The following LINGO2 variants were observed in gnomAD, a reference collection of about 807,000 sequenced individuals.
LINGO2 encodes leucine rich repeat and Ig domain containing 2.
A neutral mutation model predicts 30.6 loss-of-function variants in LINGO2; 14 were observed. The ratio of observed to expected loss-of-function variants is 0.46; its 90% CI spans 0.30 to 0.72. The LOEUF is 0.72. Ranked by LOEUF, LINGO2 falls within the 30% of genes least tolerant of loss-of-function variation. The pLI is 0.07. For missense variants in LINGO2, 729 were observed against 751.7 expected (o/e 0.97, Z 0.35); for synonymous variants, 317 against 288.5 (o/e 1.10, Z -1.00).
intron 2 of LINGO2, among the ~76,000 whole-genome samples, chr9:28,417,851 T>A (rs1324396355): frequency 6.6e-6 from 1 of 152,194 alleles, no homozygotes; most frequent in Non-Finnish European, 1.5e-5. Flanking sequence ...TCCATATCCC[T>A]CATCCTGCAG....
At chr9:29,123,685 T>C in the LINGO2 span, among the ~76,000 whole-genome samples, 1 of 152,098 alleles carries the variant, frequency 6.6e-6, no homozygotes, top group Non-Finnish European at 1.5e-5. Flanking sequence ...TTTAATATCT[T>C]ATTATTTCAT....
At chr9:29,006,133 T>C in the LINGO2 span, among the ~76,000 whole-genome samples, 2 of 151,452 alleles carry the variant, frequency 1.3e-5, no homozygotes, top group Non-Finnish European at 2.9e-5. Context: ...GCCTAGCAAA[T>C]ACTCAATATT....
chr9:28,917,547 G>T, the LINGO2 span, among the ~76,000 whole-genome samples: 1 of 151,918 alleles, frequency 6.6e-6, no homozygotes, highest in Admixed American at 6.6e-5. Context: ...CCACCTCCTG[G>T]ATTCAAGCAA....
chr9:28,508,702 GA>G (rs550964714), intron 1 of LINGO2, among the ~76,000 whole-genome samples: 3 of 151,710 alleles, frequency 2.0e-5, no homozygotes, highest in African/African-American at 4.8e-5. Flanking sequence ...CTTGGAGGGA[GA>G]AAAAAAATTA....
chr9:28,470,343 A>G (rs1469227499), intron 2 of LINGO2, among the ~76,000 whole-genome samples: 1 of 152,262 alleles, frequency 6.6e-6, no homozygotes, highest in Admixed American at 6.5e-5. Flanking sequence ...ACCATAAGAC[A>G]ACATAGTATT....
the LINGO2 span, among the ~76,000 whole-genome samples, chr9:29,154,374 C>T: frequency 6.8e-6 from 1 of 147,052 alleles, no homozygotes; most frequent in South Asian, 2.1e-4. Context: ...GGCGTGAACC[C>T]GGGAGGCGGA....
At chr9:28,021,850 C>T (rs2119372825) in intron 4 of LINGO2, among the ~76,000 whole-genome samples, 1 of 138,856 alleles carries the variant, frequency 7.2e-6, no homozygotes, top group Middle Eastern at 3.5e-3. Flanking sequence ...TGTTTTTAAG[C>T]CGAATCTTGA....
At chr9:28,315,397 G>A (rs1587453123) in intron 3 of LINGO2, among the ~76,000 whole-genome samples, 1 of 139,192 alleles carries the variant, frequency 7.2e-6, no homozygotes, top group East Asian at 2.0e-4. Context: ...GGGAGACTCC[G>A]TCTCGGGGAA....
rs564652454 is a variant in LINGO2 at position 28,336,827 on chromosome 9, G to A, written c.-246+36009C>T. On this transcript the variant is annotated intron_variant, in intron 3 of 5. Transcript: ENST00000379992. Reference sequence around the variant, plus strand: ...CACCTCATTTTCCATAGCAATAGCAGATTTAAAATATTTTGCTTATTACTA... The same window carrying A: ...CACCTCATTTTCCATAGCAATAGCAAATTTAAAATATTTTGCTTATTACTA... 2.0e-5 allele frequency among the ~76,000 whole-genome samples: 3 copies of A among 151,908 alleles called. No individual in the cohort carries two copies. In the South Asian group the frequency reaches 6.2e-4, roughly 32 times the overall value.
At chr9:28,168,792 T>C (rs532513714) in intron 4 of LINGO2, among the ~76,000 whole-genome samples, 8 of 152,184 alleles carry the variant, frequency 5.3e-5, no homozygotes, top group Non-Finnish European at 8.8e-5. Context: ...ATTGGGACAA[T>C]AAAAATAGCT....
intron 4 of LINGO2, among the ~76,000 whole-genome samples, chr9:28,112,116 G>A (rs1826818176): frequency 1.1e-5 from 1 of 91,724 alleles, no homozygotes; most frequent in Non-Finnish European, 2.2e-5. Flanking sequence ...GTGTCCATGT[G>A]ATCTCATTGT....
At chr9:28,321,852 T>A (rs1825054905) in intron 3 of LINGO2, among the ~76,000 whole-genome samples, 1 of 152,078 alleles carries the variant, frequency 6.6e-6, no homozygotes. Context: ...CCAAAATAAA[T>A]TCCATTGGAT....
chr9:28,580,643 C>A (rs139447684), intron 1 of LINGO2, among the ~76,000 whole-genome samples: 310 of 152,106 alleles, frequency 2.0e-3, no homozygotes, highest in African/African-American at 7.2e-3. Flanking sequence ...CTGCTAAATG[C>A]ACTGCTAAAT....
chr9:29,052,015 A>G, the LINGO2 span, among the ~76,000 whole-genome samples: 2 of 152,212 alleles, frequency 1.3e-5, no homozygotes, highest in Non-Finnish European at 2.9e-5. Flanking sequence ...TGGTTGAACC[A>G]TACGAAATTG....
chr9:28,005,669 G>T (rs544127346), intron 5 of LINGO2, among the ~76,000 whole-genome samples: 23 of 152,110 alleles, frequency 1.5e-4, no homozygotes, highest in Non-Finnish European at 3.2e-4. Context: ...GGTGATTTCA[G>T]TCTGAGATTC....
the LINGO2 span, among the ~76,000 whole-genome samples, chr9:29,158,211 G>A: frequency 6.6e-6 from 1 of 151,484 alleles, no homozygotes; most frequent in Non-Finnish European, 1.5e-5. Flanking sequence ...AAAACAAATG[G>A]AGGGAATGGT....
the LINGO2 span, among the ~76,000 whole-genome samples, chr9:28,831,555 G>A: frequency 5.3e-5 from 8 of 152,060 alleles, no homozygotes. Context: ...TGTTCATCAG[G>A]AGCCTAGACT....
the LINGO2 span, among the ~76,000 whole-genome samples, chr9:28,925,736 T>C: frequency 6.6e-6 from 1 of 152,222 alleles, no homozygotes; most frequent in South Asian, 2.1e-4. Flanking sequence ...TTTTGGTAAC[T>C]TTTGAACTTT....
chr9:28,635,005 G>A (rs946897777), intron 1 of LINGO2, among the ~76,000 whole-genome samples: 4 of 152,122 alleles, frequency 2.6e-5, no homozygotes, highest in African/African-American at 9.7e-5. Flanking sequence ...TAAGCCTGGA[G>A]GTACAGATGG....
Sources: gnomAD v4.1 joint callset for allele counts (sites outside exome capture counted in the v4.1 genomes callset) on GRCh38, gnomAD v4.1.1 for gene constraint, MANE v1.5 for transcripts, NCBI Gene and HGNC (gene_info 2026-07-23, HGNC 2026-07-21) for gene names.